Variants in MUCL1 observed in about 807,000 individuals in gnomAD.
MUCL1 encodes mucin like 1, also known as mucin-like protein 1.
MUCL1 carries 11 observed loss-of-function variants against 9.2 expected under a neutral mutation model. The observed-to-expected ratio is 1.19, with a 90% CI of 0.75 to 1.97. The LOEUF (loss-of-function observed/expected upper bound fraction) is 1.97. Ranked by LOEUF, MUCL1 falls within the 30% of genes most tolerant of loss-of-function variation. MUCL1 has a pLI of 0.00. For synonymous variants in MUCL1, 48 were observed against 40.5 expected (o/e 1.19, Z -0.71); for missense variants, 144 against 110.9 (o/e 1.30, Z -1.34).
intron 2 of MUCL1, chr12:54,855,434 A>G (rs1163155457): frequency 2.6e-6 from 1 of 385,972 alleles, no homozygotes; most frequent in Admixed American, 3.8e-5. Context: ...CAAGAGCATG[A>G]GGTCTGATGT....
At chr12:54,842,528 C>T (rs1399468615) in intron 1 of MUCL1, among the ~76,000 whole-genome samples, 1 of 152,102 alleles carries the variant, frequency 6.6e-6, no homozygotes, top group African/African-American at 2.4e-5. Context: ...AATATACTCT[C>T]AGGCCTTTCT....
chr12:54,853,260 G>C (rs908561133), upstream of MUCL1, among the ~76,000 whole-genome samples: 2 of 152,316 alleles, frequency 1.3e-5, no homozygotes, highest in South Asian at 4.1e-4. Flanking sequence ...CTATGATTCT[G>C]GGTATTCCAA....
chr12:54,848,406 T>C (rs1959287202), intron 1 of MUCL1, among the ~76,000 whole-genome samples: 1 of 152,196 alleles, frequency 6.6e-6, no homozygotes, highest in African/African-American at 2.4e-5. Flanking sequence ...ATCACAGTTA[T>C]AAGATGACCC....
chr12:54,844,689 C>T (rs1959233742), intron 1 of MUCL1, among the ~76,000 whole-genome samples: 1 of 152,194 alleles, frequency 6.6e-6, no homozygotes, highest in Admixed American at 6.5e-5. Flanking sequence ...TACTCAATTT[C>T]CTTTAAGCCC....
chr12:54,841,758 A>G (rs887221617), intron 1 of MUCL1, among the ~76,000 whole-genome samples: 7 of 152,106 alleles, frequency 4.6e-5, no homozygotes, highest in African/African-American at 1.7e-4. Flanking sequence ...ACAAGTCCTT[A>G]AGTTTCATTT....
At chr12:54,835,262 G>T (rs376680756), upstream of MUCL1, among the ~76,000 whole-genome samples, 1 of 151,974 alleles carries the variant, frequency 6.6e-6, no homozygotes, top group African/African-American at 2.4e-5. Context: ...TTTCCTTTAG[G>T]TAGATAGCCA....
Position 54,858,283 on chromosome 12 carries a change from T to G in MUCL1, c.*41T>G. ...AGTCTTCTGCAATTGGTCACAACTA[T>G]TCATGCTTCCTGTGATTTCATCCAA... is the stretch of plus-strand genomic sequence containing the variant. On this transcript the variant is annotated 3_prime_UTR_variant, in exon 4 of 4. Coordinates refer to ENST00000308796, the MANE Select transcript of MUCL1 (RefSeq NM_058173.3). 1.2e-6 allele frequency: 2 copies of G among 1,611,318 alleles called. No individual in the cohort carries two copies. The highest frequency in any genetic ancestry group is 1.7e-6 in the Non-Finnish European group (2 of 1,177,686).
chr12:54,845,946 A>T (rs1000461001), intron 1 of MUCL1, among the ~76,000 whole-genome samples: 1 of 152,132 alleles, frequency 6.6e-6, no homozygotes, highest in South Asian at 2.1e-4. Context: ...CAGGTTCAAG[A>T]TCATATACTG....
chr12:54,853,085 G>T (rs960209414), upstream of MUCL1, among the ~76,000 whole-genome samples: 1 of 152,088 alleles, frequency 6.6e-6, no homozygotes, highest in African/African-American at 2.4e-5. Context: ...GGAGTAGACT[G>T]GTTGCTGTTA....
upstream of MUCL1, among the ~76,000 whole-genome samples, chr12:54,853,994 A>G (rs1868277489): frequency 6.6e-6 from 1 of 152,144 alleles, no homozygotes; most frequent in East Asian, 1.9e-4. Context: ...TCAGTGTTGG[A>G]CTCACTCTGC....
At position 54,854,547 on chromosome 12, in the gene MUCL1, T is replaced by C. The variant is rs1320571140; in HGVS notation, c.-36T>C. On this transcript the variant is annotated 5_prime_UTR_variant, in exon 1 of 4. Transcript: ENST00000308796. ...TTGCCTTCTCTTAGGCTTTGAAGCA[T>C]TTTTGTCTGTGCTCCCTGATCTTCA... 6.3e-7 allele frequency: 1 copy of C among 1,591,844 alleles called. No homozygotes were observed. Among genetic ancestry groups the C allele is most frequent in the South Asian group, 1.1e-5 (1 of 89,576 alleles).
At position 54,854,529 on chromosome 12, in the gene MUCL1, C is replaced by G; in HGVS notation, c.-54C>G. On this transcript the variant is annotated 5_prime_UTR_variant, in exon 1 of 4. Coordinates refer to ENST00000308796, the MANE Select transcript of MUCL1 (RefSeq NM_058173.3). ...AATCCTGAAGTCAGCGCCTTGCCTTCTCTTAGGCTTTGAAGCATTTTTGTC... is the reference window on the plus strand; with the variant it reads ...AATCCTGAAGTCAGCGCCTTGCCTTGTCTTAGGCTTTGAAGCATTTTTGTC... 1.3e-6 allele frequency: 2 copies of G among 1,487,102 alleles called. No homozygotes were observed. The highest frequency in any genetic ancestry group is 1.9e-6 in the Non-Finnish European group (2 of 1,070,676). The allele number at this position is 1,487,102 out of a possible 1,614,324, so 92.1% of individuals were successfully genotyped here.
At chr12:54,837,972 A>G (rs1245161953), upstream of MUCL1, among the ~76,000 whole-genome samples, 1 of 152,182 alleles carries the variant, frequency 6.6e-6, no homozygotes, top group Non-Finnish European at 1.5e-5. Context: ...CAGTCATCAT[A>G]TTGATTGTTA....
intron 1 of MUCL1, among the ~76,000 whole-genome samples, chr12:54,841,413 C>A (rs1340628963): frequency 6.6e-6 from 1 of 152,054 alleles, no homozygotes; most frequent in African/African-American, 2.4e-5. Flanking sequence ...TTTGAGAAAC[C>A]TCCATACAGT....
chr12:54,858,066 TG>T, intron 3 of MUCL1, 126 bp from the exon 4 acceptor site: 2 of 1,137,420 alleles, frequency 1.8e-6, no homozygotes, highest in Admixed American at 1.9e-5. Flanking sequence ...AACAATCCCA[TG>T]TTCCTTTCGA....
intron 2 of MUCL1, among the ~76,000 whole-genome samples, chr12:54,856,379 T>C (rs1196223285): frequency 1.3e-5 from 2 of 152,236 alleles, no homozygotes; most frequent in African/African-American, 4.8e-5. Flanking sequence ...TACATTGGAA[T>C]GTATGCTGTC....
upstream of MUCL1, among the ~76,000 whole-genome samples, chr12:54,836,764 G>A (rs556085332): frequency 5.9e-5 from 9 of 152,214 alleles, no homozygotes; most frequent in South Asian, 1.7e-3. Context: ...TATGCCAGAG[G>A]TTTTGATAAC....
chr12:54,833,410 C>T (rs1290540593), intron 1 of MUCL1, among the ~76,000 whole-genome samples: 3 of 151,932 alleles, frequency 2.0e-5, no homozygotes, highest in African/African-American at 4.8e-5. Flanking sequence ...TACACCTTTC[C>T]AATACTTGGT....
intron 1 of MUCL1, chr12:54,839,459 C>A (rs763974622): frequency 1.4e-6 from 1 of 701,760 alleles, no homozygotes; most frequent in Non-Finnish European, 2.6e-6. Flanking sequence ...TGGGTAAATG[C>A]GACATCCAAT....
Sources: gnomAD v4.1 joint callset for allele counts (sites outside exome capture counted in the v4.1 genomes callset) on GRCh38, gnomAD v4.1.1 for gene constraint, MANE v1.5 for transcripts, NCBI Gene and HGNC (gene_info 2026-07-23, HGNC 2026-07-21) for gene names.